Variants in GRIK3 observed in about 807,000 individuals in gnomAD.
GRIK3 encodes glutamate ionotropic receptor kainate type subunit 3, also known as glutamate receptor ionotropic, kainate 3.
In GRIK3, 29 loss-of-function variants were observed where a neutral mutation model predicts 102.5. That is an observed-to-expected ratio of 0.28 (90% confidence interval 0.21 to 0.39). GRIK3 has a LOEUF of 0.39. Among genes scored for constraint, GRIK3 ranks in the 10% least tolerant of loss-of-function variants. The probability of loss-of-function intolerance (pLI) is 1.00; values close to 1 mark genes in which losing one functional copy is unlikely to be tolerated. For synonymous variants in GRIK3, 511 were observed against 504.9 expected, an observed-to-expected ratio of 1.01 and a Z score of -0.16; for missense variants, 908 against 1,252.4, an observed-to-expected ratio of 0.73 and a Z score of 4.15.
intron 11 of GRIK3, among the ~76,000 whole-genome samples, chr1:36,823,899 C>T (rs1642723744): frequency 6.6e-6 from 1 of 152,198 alleles, no homozygotes; most frequent in South Asian, 2.1e-4. Flanking sequence ...TGGGCAATGA[C>T]TTAACCTCTC....
chr1:36,884,388 G>A (rs766069102), intron 2 of GRIK3, among the ~76,000 whole-genome samples: 5 of 152,140 alleles, frequency 3.3e-5, no homozygotes, highest in East Asian at 1.9e-4. Context: ...GGCCATGCTC[G>A]GACCTGCACC....
At chr1:37,032,174 T>A (rs954395911) in intron 1 of GRIK3, among the ~76,000 whole-genome samples, 1 of 152,136 alleles carries the variant, frequency 6.6e-6, no homozygotes, top group African/African-American at 2.4e-5. Context: ...TGGGAGGAAC[T>A]CCCTAACCCA....
intron 1 of GRIK3, among the ~76,000 whole-genome samples, chr1:36,999,869 C>T (rs1347457284): frequency 6.6e-6 from 1 of 152,144 alleles, no homozygotes; most frequent in Non-Finnish European, 1.5e-5. Context: ...TGGTGGTGGG[C>T]ACCTGTAATC....
intron 1 of GRIK3, among the ~76,000 whole-genome samples, chr1:37,017,975 CTT>C (rs767690803): frequency 6.6e-6 from 1 of 152,130 alleles, no homozygotes; most frequent in Non-Finnish European, 1.5e-5. Context: ...TTTTTTCAGA[CTT>C]TGTCCTATGA....
chr1:36,978,276 C>G (rs1018028581), intron 1 of GRIK3, among the ~76,000 whole-genome samples: 5 of 152,226 alleles, frequency 3.3e-5, no homozygotes, highest in Non-Finnish European at 5.9e-5. Context: ...GTGCAGCTGC[C>G]TGGCACGCAC....
intron 1 of GRIK3, among the ~76,000 whole-genome samples, chr1:36,902,801 T>G (rs1570789266): frequency 1.3e-5 from 2 of 152,246 alleles, no homozygotes; most frequent in East Asian, 3.9e-4. Context: ...GGACTACTTT[T>G]TTTTTTGAAA....
At chr1:36,904,629 A>T (rs182942445) in intron 1 of GRIK3, among the ~76,000 whole-genome samples, 60 of 152,344 alleles carry the variant, frequency 3.9e-4, no homozygotes, top group Non-Finnish European at 8.1e-4. Context: ...AAAGCAAGAG[A>T]TTACTCAATA....
intron 1 of GRIK3, among the ~76,000 whole-genome samples, chr1:36,906,131 C>G (rs572588): frequency 0.026 from 3,932 of 152,310 alleles, 147 homozygotes; most frequent in East Asian, 0.11. Flanking sequence ...CAAAAGAAGT[C>G]AGCACCAGGC....
At chr1:36,876,979 G>A (rs564262094) in intron 3 of GRIK3, among the ~76,000 whole-genome samples, 2 of 152,282 alleles carry the variant, frequency 1.3e-5, no homozygotes, top group South Asian at 4.1e-4. Context: ...AAAAAATGAA[G>A]ATGTTGCTAT....
chr1:37,028,244 T>C (rs1399915168), intron 1 of GRIK3, among the ~76,000 whole-genome samples: 2 of 152,124 alleles, frequency 1.3e-5, no homozygotes, highest in Non-Finnish European at 2.9e-5. Context: ...TCCTCAAGGC[T>C]TTGACAATGT....
At chr1:36,839,082 A>G (rs1640417075) in intron 10 of GRIK3, among the ~76,000 whole-genome samples, 1 of 152,134 alleles carries the variant, frequency 6.6e-6, no homozygotes, top group South Asian at 2.1e-4. Flanking sequence ...CAGCTCTTCA[A>G]AGCTGTGGGG....
chr1:36,845,704 C>T (rs1409655356), intron 9 of GRIK3, among the ~76,000 whole-genome samples: 1 of 152,348 alleles, frequency 6.6e-6, no homozygotes, highest in East Asian at 1.9e-4. Flanking sequence ...CCTTCTCAGA[C>T]ACAGAGGCCA....
chr1:36,983,386 C>T (rs1187400179), intron 1 of GRIK3, among the ~76,000 whole-genome samples: 1 of 152,124 alleles, frequency 6.6e-6, no homozygotes, highest in African/African-American at 2.4e-5. Flanking sequence ...CACAACGGCA[C>T]ACTCCCACAT....
intron 2 of GRIK3, among the ~76,000 whole-genome samples, chr1:36,885,439 G>T (rs1412854684): frequency 6.6e-6 from 1 of 152,204 alleles, no homozygotes; most frequent in Non-Finnish European, 1.5e-5. Context: ...TGATACCATT[G>T]TTGCTGGTGA....
Position 36,853,630 on chromosome 1 carries a change from C to T in GRIK3, c.1197G>A (p.Glu399=), listed in dbSNP as rs1640610311. The change falls in exon 8 of 16, where the codon GAG becomes GAA. Residue 399 remains glutamate, a synonymous_variant. Coordinates refer to ENST00000373091, the MANE Select transcript of GRIK3 (RefSeq NM_000831.4). ...GACCACGCACCTTCTCCAGGCCATCCTCTTTCAGGCTGATGATGTCCAGAT... is the reference window on the plus strand; with the variant it reads ...GACCACGCACCTTCTCCAGGCCATCTTCTTTCAGGCTGATGATGTCCAGAT... ...DFDLDIISLK[E]DGLEKVGVWS... is the part of the protein sequence containing the mutation. 6 of 1,611,818 alleles carry T rather than the reference C, an allele frequency of 3.7e-6. No individual in the cohort carries two copies. Among genetic ancestry groups the T allele is most frequent in the Non-Finnish European group, 5.1e-6 (6 of 1,177,882 alleles).
intron 1 of GRIK3, among the ~76,000 whole-genome samples, chr1:37,008,158 C>T (rs752677203): frequency 1.3e-5 from 2 of 152,162 alleles, no homozygotes; most frequent in Non-Finnish European, 2.9e-5. Context: ...AGTGGACTTA[C>T]GGGGTCTCGC....
intron 1 of GRIK3, among the ~76,000 whole-genome samples, chr1:36,914,841 A>G (rs1641381848): frequency 6.6e-6 from 1 of 152,202 alleles, no homozygotes; most frequent in Non-Finnish European, 1.5e-5. Flanking sequence ...TCATTTATGC[A>G]TGTGTATGCA....
intron 1 of GRIK3, among the ~76,000 whole-genome samples, chr1:36,977,926 A>G (rs1411654276): frequency 6.6e-6 from 1 of 151,864 alleles, no homozygotes; most frequent in African/African-American, 2.4e-5. Flanking sequence ...GCAGGGCAAG[A>G]CCTCCCCTGC....
intron 2 of GRIK3, among the ~76,000 whole-genome samples, chr1:36,890,454 ACT>A (rs1641101284): frequency 1.3e-5 from 2 of 150,714 alleles, no homozygotes; most frequent in South Asian, 4.2e-4. Context: ...ACAGAGTGAG[ACT>A]CTGTCTAAAA....
Sources: gnomAD v4.1 joint callset for allele counts (sites outside exome capture counted in the v4.1 genomes callset) on GRCh38, gnomAD v4.1.1 for gene constraint, MANE v1.5 for transcripts, NCBI Gene and HGNC (gene_info 2026-07-23, HGNC 2026-07-21) for gene names.